PTPRR: variants seen among roughly 807,000 people sequenced by gnomAD.
PTPRR encodes receptor-type tyrosine-protein phosphatase R.
A neutral mutation model predicts 77.2 loss-of-function variants in PTPRR; 38 were observed. That is an observed-to-expected ratio of 0.49 (90% CI 0.38 to 0.65). PTPRR has a LOEUF of 0.65. PTPRR is among the 30% of genes least tolerant of loss of function. The pLI, the probability that PTPRR is intolerant of heterozygous loss-of-function variation, is 0.00. For missense variants in PTPRR, 744 were observed against 799.2 expected (o/e 0.93, Z 0.83); for synonymous variants, 299 against 283.1 (o/e 1.06, Z -0.57).
chr12:70,737,596 T>C (rs541676314), intron 6 of PTPRR, among the ~76,000 whole-genome samples: 1 of 152,182 alleles, frequency 6.6e-6, no homozygotes, highest in African/African-American at 2.4e-5. Context: ...CACAGCTCAC[T>C]GCAACCTTGA....
chr12:70,768,211 T>G (rs1334906101), intron 2 of PTPRR, among the ~76,000 whole-genome samples: 1 of 151,910 alleles, frequency 6.6e-6, no homozygotes, highest in Non-Finnish European at 1.5e-5. Flanking sequence ...CTTCAAAAAA[T>G]TAATGAATCC....
intron 13 of PTPRR, among the ~76,000 whole-genome samples, chr12:70,654,130 C>T (rs1886492324): frequency 6.6e-6 from 1 of 152,038 alleles, no homozygotes; most frequent in Admixed American, 6.6e-5. Context: ...ACATAACAAA[C>T]ATTTATTGAG....
chr12:70,730,432 AC>A (rs1200270069), intron 6 of PTPRR, among the ~76,000 whole-genome samples: 1 of 151,948 alleles, frequency 6.6e-6, no homozygotes, highest in Non-Finnish European at 1.5e-5. Flanking sequence ...AATAGCTTGG[AC>A]CCTGGAGGAG....
intron 2 of PTPRR, among the ~76,000 whole-genome samples, chr12:70,890,868 ATGG>A (rs1893323703): frequency 6.6e-6 from 1 of 152,122 alleles, no homozygotes; most frequent in Admixed American, 6.6e-5. Context: ...CATTTTCTGT[ATGG>A]AATGGGTCTT....
intron 4 of PTPRR, among the ~76,000 whole-genome samples, chr12:70,761,090 G>A (rs1890680538): frequency 6.6e-6 from 1 of 152,154 alleles, no homozygotes; most frequent in African/African-American, 2.4e-5. Flanking sequence ...ACAATGAGGG[G>A]AGGGGTGCAC....
chr12:70,795,251 T>C (rs1422619214), intron 2 of PTPRR, among the ~76,000 whole-genome samples: 5 of 152,200 alleles, frequency 3.3e-5, no homozygotes, highest in African/African-American at 1.2e-4. Flanking sequence ...ACCCAACTTA[T>C]ATTAAATTAC....
intron 6 of PTPRR, among the ~76,000 whole-genome samples, chr12:70,732,987 T>C (rs908031031): frequency 6.6e-6 from 1 of 152,120 alleles, no homozygotes; most frequent in Non-Finnish European, 1.5e-5. Context: ...GTGGTAGGCA[T>C]TGTGCTACAG....
At chr12:70,884,450 G>A (rs1468915303) in intron 2 of PTPRR, among the ~76,000 whole-genome samples, 3 of 152,072 alleles carry the variant, frequency 2.0e-5, no homozygotes, top group African/African-American at 7.2e-5. Context: ...CTTAACAACT[G>A]GAAAACCAAA....
chr12:70,743,339 A>C (rs1890112806), intron 6 of PTPRR, among the ~76,000 whole-genome samples: 1 of 152,202 alleles, frequency 6.6e-6, no homozygotes, highest in South Asian at 2.1e-4. Context: ...GATGTGAGAG[A>C]AGCAATGAGA....
intron 13 of PTPRR, among the ~76,000 whole-genome samples, chr12:70,645,493 A>G (rs1023461636): frequency 2.0e-5 from 3 of 152,118 alleles, no homozygotes; most frequent in Admixed American, 6.5e-5. Flanking sequence ...GTCATTATCA[A>G]TTGGGTCACC....
chr12:70,805,428 G>C (rs1045839534), intron 2 of PTPRR, among the ~76,000 whole-genome samples: 1 of 152,216 alleles, frequency 6.6e-6, no homozygotes, highest in East Asian at 1.9e-4. Context: ...CCTGGAGTCA[G>C]CTATGATCCT....
chr12:70,906,566 A>T (rs1314739294), intron 1 of PTPRR, among the ~76,000 whole-genome samples: 3 of 152,094 alleles, frequency 2.0e-5, no homozygotes, highest in Non-Finnish European at 2.9e-5. Flanking sequence ...TAAACATTAC[A>T]GCCTTCCCAA....
chr12:70,858,436 G>A (rs1892689835), intron 2 of PTPRR, among the ~76,000 whole-genome samples: 1 of 152,026 alleles, frequency 6.6e-6, no homozygotes, highest in African/African-American at 2.4e-5. Flanking sequence ...CTAAGTCAGG[G>A]ATCACTTAGC....
At chr12:70,798,380 T>C (rs1473069469) in intron 2 of PTPRR, among the ~76,000 whole-genome samples, 1 of 152,166 alleles carries the variant, frequency 6.6e-6, no homozygotes, top group Non-Finnish European at 1.5e-5. Flanking sequence ...AATCCATTCT[T>C]CATATAACAT....
chr12:70,849,902 C>T (rs751433192), intron 2 of PTPRR, among the ~76,000 whole-genome samples: 9 of 152,032 alleles, frequency 5.9e-5, no homozygotes, highest in South Asian at 2.1e-4. Context: ...ACTCAGTAGA[C>T]GGAATGACAA....
At chr12:70,732,148 A>G (rs896662407) in intron 6 of PTPRR, among the ~76,000 whole-genome samples, 60 of 152,224 alleles carry the variant, frequency 3.9e-4, no homozygotes, top group Non-Finnish European at 5.9e-4. Flanking sequence ...CCTCTGCCAT[A>G]CTTTGAATGT....
chr12:70,658,581 A>G (rs1253909862), intron 12 of PTPRR, among the ~76,000 whole-genome samples: 2 of 152,226 alleles, frequency 1.3e-5, no homozygotes, highest in African/African-American at 4.8e-5. Flanking sequence ...AGAATTAATG[A>G]GAAACAGCAA....
chr12:70,827,647 G>A (rs965079643), intron 2 of PTPRR, among the ~76,000 whole-genome samples: 1 of 146,672 alleles, frequency 6.8e-6, no homozygotes, highest in African/African-American at 2.5e-5. Context: ...CCAGGTTCAA[G>A]CAATTCTCCT....
intron 5 of PTPRR, 90 bp from the exon 6 acceptor site, chr12:70,746,176 A>G (rs1166009391): frequency 8.2e-7 from 1 of 1,212,938 alleles, no homozygotes; most frequent in African/African-American, 1.5e-5. Flanking sequence ...CCGACAAACC[A>G]AAATAAAGGC....
Sources: allele counts gnomAD v4.1 joint callset (sites outside exome capture counted in the v4.1 genomes callset), GRCh38; gene constraint gnomAD v4.1.1; transcripts MANE v1.5; gene names NCBI Gene and HGNC (gene_info 2026-07-23, HGNC 2026-07-21).